Variants in ANKS1B observed in about 807,000 individuals in gnomAD.
ANKS1B encodes ankyrin repeat and sterile alpha motif domain containing 1B.
In ANKS1B, 36 loss-of-function variants were observed where a neutral mutation model predicts 148.3. The ratio of observed to expected loss-of-function variants is 0.24; its 90% CI spans 0.19 to 0.32. The LOEUF is 0.32. ANKS1B is among the 10% of genes least tolerant of loss of function. The probability of loss-of-function intolerance (pLI) is 1.00; values close to 1 mark genes in which losing one functional copy is unlikely to be tolerated. For missense variants in ANKS1B, 1,157 were observed against 1,542.6 expected (o/e 0.75, Z 4.19); for synonymous variants, 542 against 560.8 (o/e 0.97, Z 0.47).
intron 10 of ANKS1B, among the ~76,000 whole-genome samples, chr12:99,490,835 G>A (rs1008365758): frequency 6.6e-6 from 1 of 152,226 alleles, no homozygotes; most frequent in African/African-American, 2.4e-5. Context: ...GAATTAGTAA[G>A]TCTGCAGTAG....
chr12:99,508,437 T>C (rs181775335), intron 9 of ANKS1B, among the ~76,000 whole-genome samples: 3 of 151,828 alleles, frequency 2.0e-5, no homozygotes, highest in Non-Finnish European at 2.9e-5. Context: ...ATCTTAAGGA[T>C]AGCATTTGCA....
At chr12:99,474,412 AAAG>A (rs940511583) in intron 10 of ANKS1B, among the ~76,000 whole-genome samples, 2 of 152,154 alleles carry the variant, frequency 1.3e-5, no homozygotes, top group Non-Finnish European at 2.9e-5. Flanking sequence ...CTTAAAATAT[AAAG>A]AAGAAATTAA....
chr12:99,558,744 C>T (rs1298039575), intron 9 of ANKS1B, among the ~76,000 whole-genome samples: 1 of 152,190 alleles, frequency 6.6e-6, no homozygotes, highest in African/African-American at 2.4e-5. Flanking sequence ...GGACCCATCA[C>T]ATGGGAAAGA....
chr12:99,532,266 G>A (rs73147366), intron 9 of ANKS1B, among the ~76,000 whole-genome samples: 3,196 of 151,994 alleles, frequency 0.021, 45 homozygotes, highest in Non-Finnish European at 0.035. Context: ...ATTATTTGCC[G>A]AAGGCAATAT....
chr12:99,263,181 C>T (rs2076101076), intron 12 of ANKS1B, among the ~76,000 whole-genome samples: 1 of 151,986 alleles, frequency 6.6e-6, no homozygotes, highest in Non-Finnish European at 1.5e-5. Flanking sequence ...TGGAGAAGCA[C>T]ATGAACAAGG....
intron 1 of ANKS1B, among the ~76,000 whole-genome samples, chr12:99,865,679 A>G (rs933786192): frequency 3.3e-5 from 5 of 152,202 alleles, no homozygotes; most frequent in Non-Finnish European, 7.3e-5. Flanking sequence ...CAAGTACTTA[A>G]TAGTAGGAGG....
chr12:99,538,999 T>C (rs984007027), intron 9 of ANKS1B, among the ~76,000 whole-genome samples: 1 of 152,222 alleles, frequency 6.6e-6, no homozygotes, highest in African/African-American at 2.4e-5. Context: ...GAAATGGTCA[T>C]ATGGTTTTTA....
intron 17 of ANKS1B, among the ~76,000 whole-genome samples, chr12:99,051,072 G>A (rs919271364): frequency 1.8e-4 from 28 of 152,068 alleles, no homozygotes; most frequent in Non-Finnish European, 3.1e-4. Context: ...CCTAAGCCCC[G>A]GCAGTAAAGC....
At chr12:99,827,516 C>T (rs2083353785) in intron 1 of ANKS1B, among the ~76,000 whole-genome samples, 1 of 152,006 alleles carries the variant, frequency 6.6e-6, no homozygotes, top group African/African-American at 2.4e-5. Flanking sequence ...ATTTCAGCTA[C>T]GTGAGTAGAT....
intron 9 of ANKS1B, among the ~76,000 whole-genome samples, chr12:99,526,402 C>A (rs567998226): frequency 6.6e-6 from 1 of 152,110 alleles, no homozygotes; most frequent in Non-Finnish European, 1.5e-5. Context: ...CTGTAAAGCA[C>A]CATTTACAGG....
chr12:99,145,762 T>G (rs1489312764), intron 15 of ANKS1B, among the ~76,000 whole-genome samples: 3 of 152,032 alleles, frequency 2.0e-5, no homozygotes, highest in Admixed American at 2.0e-4. Context: ...AAGGGAGAAG[T>G]GGTGAAATTC....
intron 10 of ANKS1B, among the ~76,000 whole-genome samples, chr12:99,457,333 T>C (rs2095863597): frequency 6.7e-6 from 1 of 150,348 alleles, no homozygotes; most frequent in African/African-American, 2.5e-5. Flanking sequence ...AAAGCACAAA[T>C]CTCACAGGAC....
intron 9 of ANKS1B, chr12:99,649,230 G>A (rs1197279267): frequency 3.1e-6 from 4 of 1,293,956 alleles, no homozygotes; most frequent in Non-Finnish European, 4.5e-6. Context: ...TTTACCTATA[G>A]GAAGAGAAAG....
chr12:99,761,248 C>CAT (rs2062085725), intron 8 of ANKS1B, among the ~76,000 whole-genome samples: 1 of 151,292 alleles, frequency 6.6e-6, no homozygotes, highest in East Asian at 1.9e-4. Flanking sequence ...CACACACACA[C>CAT]ACACACAAAA....
rs140490773 is a variant in ANKS1B, at chr12:99,595,806, A to G, written c.1272+59261T>C. 7.2e-4 allele frequency among the ~76,000 whole-genome samples: 110 copies of G among 152,114 alleles called. 1 individual carries two copies. The highest frequency in any genetic ancestry group is 6.8e-3 in the Middle Eastern group (2 of 294). On this transcript the variant is annotated intron_variant, in intron 9 of 26. Transcript: ENST00000683438. ...GTACATAGCATACATCTTTTATTGTACTAAAATATGCAACTAATCCTTCAA... is the reference window on the plus strand; with the variant it reads ...GTACATAGCATACATCTTTTATTGTGCTAAAATATGCAACTAATCCTTCAA...
intron 1 of ANKS1B, among the ~76,000 whole-genome samples, chr12:99,960,581 A>T (rs560028400): frequency 6.6e-6 from 1 of 152,300 alleles, no homozygotes; most frequent in South Asian, 2.1e-4. Flanking sequence ...GAGTCTGGAA[A>T]TGCTAACTAG....
chr12:99,240,253 G>A (rs957799478), intron 14 of ANKS1B, among the ~76,000 whole-genome samples: 16 of 151,982 alleles, frequency 1.1e-4, no homozygotes, highest in African/African-American at 3.6e-4. Flanking sequence ...AAAAAAGCAC[G>A]GATTGCAATC....
chr12:99,102,405 T>A (rs2058152263), intron 15 of ANKS1B, among the ~76,000 whole-genome samples: 1 of 131,088 alleles, frequency 7.6e-6, no homozygotes, highest in South Asian at 2.5e-4. Context: ...CACAGGAAGT[T>A]GCTTTATTTT....
chr12:99,046,186 AC>A (rs2099962216), intron 17 of ANKS1B, among the ~76,000 whole-genome samples: 2 of 152,218 alleles, frequency 1.3e-5, no homozygotes, highest in Admixed American at 1.3e-4. Context: ...GCCTTGCCTA[AC>A]CTTAAAAGCA....
Sources: gnomAD v4.1 joint callset for allele counts (sites outside exome capture counted in the v4.1 genomes callset) on GRCh38, gnomAD v4.1.1 for gene constraint, MANE v1.5 for transcripts, NCBI Gene and HGNC (gene_info 2026-07-23, HGNC 2026-07-21) for gene names.